Variants in QTMAN observed in about 807,000 individuals in gnomAD.
The protein encoded by QTMAN is queuosine-tRNA mannosyltransferase, also known as tRNA-queuosine alpha-mannosyltransferase.
chr2:144,163,679 T>C, the QTMAN span, among the ~76,000 whole-genome samples: 1 of 152,138 alleles, frequency 6.6e-6, no homozygotes, highest in African/African-American at 2.4e-5. Context: ...AGAGACTGGT[T>C]TTAAAGGGCA....
At chr2:144,332,181 G>T in the QTMAN span, among the ~76,000 whole-genome samples, 1 of 102 alleles carries the variant, frequency 9.8e-3, no homozygotes, top group Non-Finnish European at 0.024. Context: ...ATGCCACGGC[G>T]TGACGCCCCA....
the QTMAN span, among the ~76,000 whole-genome samples, chr2:144,310,251 T>C: frequency 1.3e-5 from 2 of 152,158 alleles, no homozygotes; most frequent in African/African-American, 4.8e-5. Flanking sequence ...CAAGGCCAGC[T>C]ATTCCAGAAA....
chr2:144,100,506 T>A, the QTMAN span, among the ~76,000 whole-genome samples: 1 of 152,256 alleles, frequency 6.6e-6, no homozygotes, highest in African/African-American at 2.4e-5. Context: ...ATTCAACTAA[T>A]AATTGAATTG....
chr2:144,171,935 T>C, the QTMAN span, among the ~76,000 whole-genome samples: 1 of 152,152 alleles, frequency 6.6e-6, no homozygotes, highest in Non-Finnish European at 1.5e-5. Context: ...AGTATAGTTA[T>C]TTTTGACACA....
At chr2:144,129,129 G>A in the QTMAN span, among the ~76,000 whole-genome samples, 1 of 151,902 alleles carries the variant, frequency 6.6e-6, no homozygotes, top group African/African-American at 2.4e-5. Context: ...TTATAAAAAT[G>A]AAATATAGTA....
the QTMAN span, among the ~76,000 whole-genome samples, chr2:143,989,075 C>G: frequency 1.3e-5 from 2 of 152,046 alleles, no homozygotes; most frequent in South Asian, 4.1e-4. Context: ...CAGCCCAAAT[C>G]TGATTTTGAG....
At chr2:144,212,624 C>T in the QTMAN span, among the ~76,000 whole-genome samples, 2 of 152,142 alleles carry the variant, frequency 1.3e-5, no homozygotes, top group African/African-American at 4.8e-5. Context: ...TATTATATGA[C>T]ATTAAGAAAA....
chr2:144,156,470 A>C, the QTMAN span, among the ~76,000 whole-genome samples: 1 of 152,090 alleles, frequency 6.6e-6, no homozygotes, highest in African/African-American at 2.4e-5. Flanking sequence ...GAGTCTTAGG[A>C]CTGAGTCCTG....
chr2:144,303,944 G>A, the QTMAN span, among the ~76,000 whole-genome samples: 1 of 152,226 alleles, frequency 6.6e-6, no homozygotes, highest in African/African-American at 2.4e-5. Flanking sequence ...GTTTTAGGAA[G>A]CCTGAGGTAG....
At chr2:144,278,261 C>T in the QTMAN span, among the ~76,000 whole-genome samples, 1 of 152,144 alleles carries the variant, frequency 6.6e-6, no homozygotes, top group East Asian at 1.9e-4. Flanking sequence ...ACGATTACAC[C>T]TTAATAAATC....
chr2:144,071,493 T>C, the QTMAN span, among the ~76,000 whole-genome samples: 1 of 152,288 alleles, frequency 6.6e-6, no homozygotes, highest in Admixed American at 6.5e-5. Flanking sequence ...TTAACAGAAA[T>C]GGATACTCGC....
the QTMAN span, among the ~76,000 whole-genome samples, chr2:144,032,304 T>C: frequency 6.6e-6 from 1 of 152,208 alleles, no homozygotes; most frequent in Non-Finnish European, 1.5e-5. Flanking sequence ...GAATTACCGT[T>C]AGCATTAATA....
the QTMAN span, among the ~76,000 whole-genome samples, chr2:143,998,994 TACCA>T: frequency 6.6e-6 from 1 of 151,090 alleles, no homozygotes; most frequent in African/African-American, 2.5e-5. Flanking sequence ...GAAGGTCAAT[TACCA>T]AACAGTCACC....
chr2:144,293,868 T>C, the QTMAN span, among the ~76,000 whole-genome samples: 1 of 152,214 alleles, frequency 6.6e-6, no homozygotes, highest in Non-Finnish European at 1.5e-5. Context: ...CCAAGAATGT[T>C]TGAGCTGACC....
chr2:144,325,631 G>GT, the QTMAN span, among the ~76,000 whole-genome samples: 4 of 151,972 alleles, frequency 2.6e-5, no homozygotes, highest in African/African-American at 9.7e-5. Context: ...GATAATTGAA[G>GT]TTTTCCTTTT....
the QTMAN span, among the ~76,000 whole-genome samples, chr2:144,263,029 A>G: frequency 6.8e-6 from 1 of 147,250 alleles, no homozygotes. Flanking sequence ...GAGGGGAGGG[A>G]AGAATATGGT....
the QTMAN span, chr2:144,145,537 A>C: frequency 6.6e-7 from 1 of 1,523,914 alleles, no homozygotes; most frequent in Non-Finnish European, 8.9e-7. Flanking sequence ...AAAAGGTAGC[A>C]AAGGGCCAAA....
chr2:144,051,956 T>A, the QTMAN span, among the ~76,000 whole-genome samples: 11 of 152,234 alleles, frequency 7.2e-5, no homozygotes, highest in African/African-American at 2.7e-4. Flanking sequence ...TTTCTTCAGA[T>A]CACTTTTAAT....
At chr2:144,323,760 CTAATT>C in the QTMAN span, among the ~76,000 whole-genome samples, 2 of 152,102 alleles carry the variant, frequency 1.3e-5, no homozygotes, top group African/African-American at 4.8e-5. Flanking sequence ...AAAAATTGGT[CTAATT>C]TGTTTATATA....
Sources: gnomAD v4.1 joint callset for allele counts (sites outside exome capture counted in the v4.1 genomes callset) on GRCh38, gnomAD v4.1.1 for gene constraint, MANE v1.5 for transcripts, NCBI Gene and HGNC (gene_info 2026-07-23, HGNC 2026-07-21) for gene names.